NUDT8: variants seen among roughly 807,000 people sequenced by gnomAD.
NUDT8 encodes nudix hydrolase 8.
NUDT8 carries 14 observed loss-of-function variants against 12.5 expected under a neutral mutation model. The observed-to-expected ratio is 1.12, with a 90% CI of 0.74 to 1.75. The LOEUF is 1.75. Among genes scored for constraint, NUDT8 ranks in the 40% most tolerant of loss-of-function variants. The pLI is 0.00. For synonymous variants in NUDT8, 163 were observed against 156.2 expected (o/e 1.04, Z -0.33); for missense variants, 337 against 318.5 (o/e 1.06, Z -0.44).
chr11:67,629,294 A>G, intron 1 of NUDT8: 1 of 453,502 alleles, frequency 2.2e-6, no homozygotes, highest in Non-Finnish European at 3.9e-6. Context: ...GGGCAAGAAG[A>G]TCCTGGGGCT....
In NUDT8 at chr11:67,628,186, G is replaced by C. The variant is rs1374196197; in HGVS notation, c.471C>G (p.His157Gln). The C allele has an allele frequency of 2.5e-6, 4 of 1,609,640 alleles. No individual in the cohort carries two copies. The highest frequency in any genetic ancestry group is 2.7e-5 in the African/African-American group (2 of 74,940). Residue 157 changes from histidine (H) to glutamine (Q), a missense_variant, in exon 4 of 4, where the codon CAC becomes CAG. Coordinates refer to ENST00000376693, the MANE Select transcript of NUDT8 (RefSeq NM_001243750.2). The part of the protein sequence containing the change: ...LLQTQNQGYT[H>Q]FCRGGHFRYT... Reference sequence around the variant, plus strand: ...AGCGGAAGTGGCCACCCCGGCAGAAGTGGGTATAGCCCTGATTCTGCGTCT... The same window carrying C: ...AGCGGAAGTGGCCACCCCGGCAGAACTGGGTATAGCCCTGATTCTGCGTCT...
In NUDT8 at chr11:67,628,905, G is replaced by A; in HGVS notation, c.327+14C>T. 1 of 1,597,664 alleles carries A rather than the reference G, an allele frequency of 6.3e-7. No individual in the cohort carries two copies. The highest frequency in any genetic ancestry group is 1.1e-5 in the South Asian group (1 of 89,980). ...GAGTGAATGGGGTGGGGTGGCCTCA[G>A]CCAAGTGGCTTACCGGATCATACAC... On this transcript the variant is annotated intron_variant, in intron 2 of 3. Coordinates refer to ENST00000376693, the MANE Select transcript of NUDT8 (RefSeq NM_001243750.2).
chr11:67,628,682 G>A (rs998901813), intron 2 of NUDT8, among the ~76,000 whole-genome samples: 1 of 152,214 alleles, frequency 6.6e-6, no homozygotes, highest in Non-Finnish European at 1.5e-5. Context: ...ACCAAACTGA[G>A]TGGAGCTGGC....
At position 67,628,409 on chromosome 11, in the gene NUDT8, G is replaced by T; in HGVS notation, c.328-9C>A. 1 of 1,612,680 alleles carries T rather than the reference G, an allele frequency of 6.2e-7. No individual in the cohort carries two copies. Among genetic ancestry groups the T allele is most frequent in the Non-Finnish European group, 8.5e-7 (1 of 1,179,276 alleles). On this transcript the variant is annotated splice_polypyrimidine_tract_variant and intron_variant, in intron 2 of 3. Transcript: ENST00000376693. ...ACCACGGTGGCCTTTTGCTGGGGAA[G>T]AGGGCAGGTGGTCAGGGAAGCATGG... is the stretch of plus-strand genomic sequence containing the variant.
chr11:67,629,739 C>T lies in NUDT8; in HGVS notation c.173G>A (p.Gly58Glu). 6.5e-7 allele frequency: 1 copy of T among 1,540,634 alleles called. No homozygotes were observed. The highest frequency in any genetic ancestry group is 8.7e-7 in the Non-Finnish European group (1 of 1,149,056). The change falls in exon 1 of 4, where the codon GGG becomes GAG. Residue 58 changes from glycine (G) to glutamate (E), a missense_variant. Physicochemically the swap from Gly to Glu is moderately conservative, Grantham distance 98 (BLOSUM62 -2). Transcript: ENST00000376693. ...LYTLRSSRLT[G>E]RHKGDVSFPG... ...GTACCTGACGTCGCCCTTGTGCCTC[C>T]CGGTCAGGCGGCTGGACCGCAGCGT...
Position 67,627,987 on chromosome 11 carries a change from A to C in NUDT8, c.670T>G (p.Cys224Gly). ...ARPKQPLASP[C>G]QASSTPGLNK... ...AGTCCTGGAGTGGAGCTGGCCTGAC[A>C]GGGTGAAGCCAGGGGCTGCTTAGGG... Residue 224 changes from cysteine to glycine, a missense_variant, in exon 4 of 4, where the codon TGT becomes GGT. Coordinates refer to ENST00000376693, the MANE Select transcript of NUDT8 (RefSeq NM_001243750.2). 1 of 1,596,422 alleles carries C rather than the reference A, an allele frequency of 6.3e-7. No individual in the cohort carries two copies. Among genetic ancestry groups the C allele is most frequent in the South Asian group, 1.1e-5 (1 of 90,978 alleles).
intron 2 of NUDT8, 52 bp downstream of exon 2, chr11:67,628,867 G>C: frequency 6.4e-7 from 1 of 1,562,242 alleles, no homozygotes; most frequent in South Asian, 1.2e-5. Context: ...CAGCTCCAGG[G>C]CAGGCACAGA....
In NUDT8 at chr11:67,629,068, A is replaced by T; in HGVS notation, c.195-17T>A. The T allele has an allele frequency of 6.2e-7, 1 of 1,601,052 alleles. No homozygotes were observed. Among genetic ancestry groups the T allele is most frequent in the Non-Finnish European group, 8.5e-7 (1 of 1,172,228 alleles). ...CCTGGGAAACTAAACAGACACAAGG[A>T]GTCTGGTCCTTGGACTCTTGGGGCC... On this transcript the variant is annotated splice_polypyrimidine_tract_variant and intron_variant, in intron 1 of 3. Transcript: ENST00000376693.
Position 67,628,952 on chromosome 11 carries a change from G to C in NUDT8, c.294C>G (p.His98Gln). 3 of 1,612,378 alleles carry C rather than the reference G, an allele frequency of 1.9e-6. No homozygotes were observed. Among genetic ancestry groups the C allele is most frequent in the Non-Finnish European group, 2.5e-6 (3 of 1,179,534 alleles). Reference sequence around the variant, plus strand: ...ACACAGGCCGCAGCAGGCCCCACACGTGCTCCTCGGGCACTGCCAGGCCCA... The same window carrying C: ...ACACAGGCCGCAGCAGGCCCCACACCTGCTCCTCGGGCACTGCCAGGCCCA... ...EELGLAVPEE[H>Q]VWGLLRPVYD... is the part of the protein sequence containing the mutation. The change falls in exon 2 of 4, where the codon CAC becomes CAG. Residue 98 changes from histidine (H) to glutamine (Q), a missense_variant. Transcript: ENST00000376693.
At chr11:67,628,884 G>A in intron 2 of NUDT8, 35 bp downstream of exon 2, 1 of 1,584,414 alleles carries the variant, frequency 6.3e-7, no homozygotes, top group Non-Finnish European at 8.6e-7. Flanking sequence ...CAGAGTGAGT[G>A]AATGGGGTGG....
At chr11:67,629,121 G>C (rs905576420) in intron 1 of NUDT8, 70 bp from the exon 2 acceptor site, 1 of 1,406,376 alleles carries the variant, frequency 7.1e-7, no homozygotes, top group Non-Finnish European at 9.5e-7. Context: ...TCGGCAGTGC[G>C]GGGGGGGCCA....
Position 67,627,981 on chromosome 11 carries a change from C to A in NUDT8, c.676G>T (p.Ala226Ser), listed in dbSNP as rs754727102. ...PKQPLASPCQ[A>S]SSTPGLNKGL ...TTATTCAGTCCTGGAGTGGAGCTGG[C>A]CTGACAGGGTGAAGCCAGGGGCTGC... The change falls in exon 4 of 4, where the codon GCC becomes TCC. Residue 226 changes from alanine to serine, a missense_variant. Ala to Ser is a moderately conservative substitution (Grantham distance 99). Transcript: ENST00000376693. The A allele has an allele frequency of 1.3e-6, 2 of 1,595,802 alleles. No homozygotes were observed. Among genetic ancestry groups the A allele is most frequent in the African/African-American group, 1.3e-5 (1 of 75,010 alleles).
In NUDT8 at chr11:67,627,977, C is replaced by T; in HGVS notation, c.680G>A (p.Ser227Asn). Residue 227 changes from serine (S) to asparagine (N), a missense_variant, in exon 4 of 4, where the codon AGC (serine) becomes AAC (asparagine). By Grantham distance (46) the Ser-to-Asn change is conservative (BLOSUM62 1). Transcript: ENST00000376693. ...KQPLASPCQASSTPGLNKGL is the reference protein window; with the variant it reads ...KQPLASPCQANSTPGLNKGL Reference sequence around the variant, plus strand: ...ACCTTTATTCAGTCCTGGAGTGGAGCTGGCCTGACAGGGTGAAGCCAGGGG... The same window carrying T: ...ACCTTTATTCAGTCCTGGAGTGGAGTTGGCCTGACAGGGTGAAGCCAGGGG... 2 of 1,595,130 alleles carry T rather than the reference C, an allele frequency of 1.3e-6. No individual in the cohort carries two copies. Among genetic ancestry groups the T allele is most frequent in the Non-Finnish European group, 1.7e-6 (2 of 1,177,732 alleles).
Position 67,629,855 on chromosome 11 carries a change from T to C in NUDT8, c.57A>G (p.Ala19=). ...GCGCGCGGAGCCGGGCCGTGGCCCC[T>C]GCCAGCAGCCGGCGGCAGCGCAGCT... ...EGELRCRRLL[A]GATARLRARP... is the part of the protein sequence containing the mutation. Residue 19 remains alanine, a synonymous_variant, in exon 1 of 4, where the codon GCA becomes GCG. Transcript: ENST00000376693. The C allele has an allele frequency of 4.0e-6, 5 of 1,262,566 alleles. No homozygotes were observed. Among genetic ancestry groups the C allele is most frequent in the Non-Finnish European group, 4.9e-6 (5 of 1,011,432 alleles). The allele number at this position is 1,262,566 out of a possible 1,614,324, so 78.2% of individuals were successfully genotyped here.
chr11:67,629,594 C>A, intron 1 of NUDT8, 124 bp downstream of exon 1: 1 of 484,044 alleles, frequency 2.1e-6, no homozygotes, highest in South Asian at 4.0e-5. Context: ...GGGACTCTCC[C>A]CAGACCCATT....
chr11:67,628,044 G>A lies in NUDT8; in HGVS notation c.613C>T (p.Leu205=). 1.9e-6 allele frequency: 3 copies of A among 1,598,404 alleles called. No individual in the cohort carries two copies. The highest frequency in any genetic ancestry group is 2.5e-6 in the Non-Finnish European group (3 of 1,179,786). The change falls in exon 4 of 4, where the codon CTG becomes TTG. Residue 205 remains leucine (L), a synonymous_variant. Transcript: ENST00000376693. Reference sequence around the variant, plus strand: ...AGACCCTCAGCCCCTGAGCAGGTCAGGCCGGCCAGGCGGGGCTGGTAGGTA... The same window carrying A: ...AGACCCTCAGCCCCTGAGCAGGTCAAGCCGGCCAGGCGGGGCTGGTAGGTA... The part of the protein sequence containing the change: ...PGTYQPRLAG[L]TCSGAEGLAR...
At position 67,629,239 on chromosome 11, in the gene NUDT8, G is replaced by A. The variant is rs1591120152; in HGVS notation, c.195-188C>T. ...TTACCTCCCTGAGCAATGGGGATAAGGAAGAGAGGCCCGGGACAGCGCAGG... is the reference window on the plus strand; with the variant it reads ...TTACCTCCCTGAGCAATGGGGATAAAGAAGAGAGGCCCGGGACAGCGCAGG... On this transcript the variant is annotated intron_variant, in intron 1 of 3. Coordinates refer to ENST00000376693, the MANE Select transcript of NUDT8 (RefSeq NM_001243750.2). 2.9e-5 allele frequency: 17 copies of A among 589,440 alleles called. 1 individual carries two copies. The highest frequency in any genetic ancestry group is 5.1e-5 in the Non-Finnish European group (17 of 335,854). 36.5% of individuals were successfully genotyped at this position (589,440 alleles called of 1,614,324 possible). A position where few individuals can be genotyped will look rare whatever the true frequency, so the allele number is the denominator to read the frequency against.
rs757099905 is a variant in NUDT8 at position 67,628,144 on chromosome 11, G to GA, written c.512dup (p.Leu172ProfsTer16). Reference sequence around the variant, plus strand: ...CCCAGACCCGGTGTGGTCCATGCAGGAAGACGGGTAGTGTGTAGCGGAAGT... The same window carrying GA: ...CCCAGACCCGGTGTGGTCCATGCAGGAAAGACGGGTAGTGTGTAGCGGAAGT... On this transcript the variant is annotated frameshift_variant, in exon 4 of 4. Transcript: ENST00000376693. LOFTEE classifies it low-confidence loss of function (END_TRUNC). 27 of 1,601,170 alleles carry GA rather than the reference G, an allele frequency of 1.7e-5. No homozygotes were observed. The highest frequency in any genetic ancestry group is 2.2e-5 in the Non-Finnish European group (26 of 1,179,824).
At chr11:67,629,553 C>T (rs1855173893) in intron 1 of NUDT8, 165 bp downstream of exon 1, 3 of 413,812 alleles carry the variant, frequency 7.2e-6, no homozygotes, top group South Asian at 6.5e-5. Flanking sequence ...GGACACGGAT[C>T]GCTGACCTCT....
Sources: allele counts gnomAD v4.1 joint callset (sites outside exome capture counted in the v4.1 genomes callset), GRCh38; gene constraint gnomAD v4.1.1; transcripts MANE v1.5; gene names NCBI Gene and HGNC (gene_info 2026-07-23, HGNC 2026-07-21).